Variants in AGXT2 observed in about 807,000 individuals in gnomAD.
The protein encoded by AGXT2 is alanine--glyoxylate aminotransferase 2, mitochondrial.
AGXT2 carries 61 observed loss-of-function variants against 62.5 expected under a neutral mutation model. That is an observed-to-expected ratio of 0.98 (90% confidence interval 0.79 to 1.21). The LOEUF (loss-of-function observed/expected upper bound fraction) is 1.21. Ranked by LOEUF, AGXT2 falls within the 50% of genes most tolerant of loss-of-function variation. The probability of loss-of-function intolerance (pLI) is 0.00; values close to 1 mark genes in which losing one functional copy is unlikely to be tolerated. For synonymous variants in AGXT2, 243 were observed against 218.7 expected, an observed-to-expected ratio of 1.11 and a Z score of -0.98; for missense variants, 666 against 641.5, an observed-to-expected ratio of 1.04 and a Z score of -0.41.
chr5:35,030,430 C>A (rs1425628889), intron 7 of AGXT2, among the ~76,000 whole-genome samples: 1 of 152,198 alleles, frequency 6.6e-6, no homozygotes, highest in East Asian at 1.9e-4. Context: ...ATCGCTTGAA[C>A]CCGGGAGGCG....
In AGXT2 at chr5:34,998,609, A is replaced by C. The variant is rs1766114039; in HGVS notation, c.*110T>G. 2 of 842,470 alleles carry C rather than the reference A, an allele frequency of 2.4e-6. No individual in the cohort carries two copies. Among genetic ancestry groups the C allele is most frequent in the Non-Finnish European group, 2.0e-6 (1 of 510,036 alleles). 52.2% of individuals were successfully genotyped at this position (842,470 alleles called of 1,614,324 possible). A position where few individuals can be genotyped will look rare whatever the true frequency, so the allele number is the denominator to read the frequency against. On this transcript the variant is annotated 3_prime_UTR_variant, in exon 14 of 14. Transcript: ENST00000231420. ...ACCATGACTTTTACAGCTCCTGTGGAGAGCTGCAGGCTTTCTCTGGATACC... is the reference window on the plus strand; with the variant it reads ...ACCATGACTTTTACAGCTCCTGTGGCGAGCTGCAGGCTTTCTCTGGATACC...
intron 9 of AGXT2, among the ~76,000 whole-genome samples, chr5:35,024,365 A>G (rs540483353): frequency 6.6e-6 from 1 of 152,158 alleles, no homozygotes; most frequent in Non-Finnish European, 1.5e-5. Context: ...GGCCCTAGTG[A>G]TCATCCTCTG....
In AGXT2 at chr5:35,013,065, G is replaced by C; in HGVS notation, c.1097-20C>G. 1 of 1,547,694 alleles carries C rather than the reference G, an allele frequency of 6.5e-7. No individual in the cohort carries two copies. The highest frequency in any genetic ancestry group is 8.7e-7 in the Non-Finnish European group (1 of 1,143,382). On this transcript the variant is annotated intron_variant, in intron 10 of 13. Transcript: ENST00000231420. Reference sequence around the variant, plus strand: ...CAATCTCTAGAGGGAGAAAATAGAAGGTGTGGAAAGAGGGACACATTCCTG... The same window carrying C: ...CAATCTCTAGAGGGAGAAAATAGAACGTGTGGAAAGAGGGACACATTCCTG...
At chr5:35,006,885 A>G (rs1200400031) in intron 12 of AGXT2, among the ~76,000 whole-genome samples, 1 of 152,152 alleles carries the variant, frequency 6.6e-6, no homozygotes. Context: ...TTAATTGAGA[A>G]ACACAAAGCA....
chr5:35,030,164 A>G (rs1461429603), intron 7 of AGXT2, among the ~76,000 whole-genome samples: 2 of 152,294 alleles, frequency 1.3e-5, no homozygotes, highest in East Asian at 3.9e-4. Context: ...TTGTATTCCA[A>G]TCCTGTTCAA....
chr5:35,040,082 A>G lies in AGXT2; in HGVS notation c.177+493T>C, dbSNP rs534425595. Among the ~76,000 whole-genome samples the G allele has an allele frequency of 2.0e-5, 3 of 152,060 alleles. 1 individual carries two copies. The highest frequency in any genetic ancestry group is 7.2e-5 in the African/African-American group (3 of 41,464). ...GCATAACAGAGAGAGAGAGAGAGAG[A>G]GGGAGAAAGAAAGAGAGAGAAAGAA... On this transcript the variant is annotated intron_variant, in intron 2 of 13. Coordinates refer to ENST00000231420, the MANE Select transcript of AGXT2 (RefSeq NM_031900.4).
intron 12 of AGXT2, 147 bp from the exon 13 acceptor site, chr5:35,004,008 C>T (rs1030623668): frequency 7.3e-6 from 5 of 687,276 alleles, no homozygotes; most frequent in South Asian, 3.6e-5. Context: ...CTCTCCTTCC[C>T]CTGTAATTAA....
chr5:35,028,511 C>T (rs1471231782), intron 7 of AGXT2, among the ~76,000 whole-genome samples: 1 of 144,612 alleles, frequency 6.9e-6, no homozygotes, highest in African/African-American at 2.6e-5. Context: ...AAGCCTTCAT[C>T]TGTGTGTCAG....
intron 9 of AGXT2, among the ~76,000 whole-genome samples, chr5:35,021,303 C>T (rs1359976064): frequency 7.4e-4 from 113 of 152,180 alleles, no homozygotes; most frequent in African/African-American, 2.5e-3. Context: ...GGAGGCATCA[C>T]ACTACCTGAC....
intron 9 of AGXT2, among the ~76,000 whole-genome samples, chr5:35,020,568 G>A (rs1418941579): frequency 2.6e-5 from 4 of 152,066 alleles, no homozygotes; most frequent in African/African-American, 4.8e-5. Context: ...TTGATGGGAC[G>A]TATTTCAAAA....
intron 11 of AGXT2, among the ~76,000 whole-genome samples, chr5:35,011,327 G>A (rs769594339): frequency 6.6e-6 from 1 of 152,072 alleles, no homozygotes; most frequent in Non-Finnish European, 1.5e-5. Context: ...GGGCATGGTG[G>A]TGCATGCCTA....
intron 1 of AGXT2, among the ~76,000 whole-genome samples, chr5:35,045,767 T>TTC (rs1554037200): frequency 3.1e-4 from 11 of 35,778 alleles, no homozygotes; most frequent in African/African-American, 7.3e-4. Flanking sequence ...CTTTTTTCTT[T>TTC]TTTTTTTTTT....
chr5:35,040,156 G>C (rs1767933284), intron 2 of AGXT2, among the ~76,000 whole-genome samples: 1 of 152,128 alleles, frequency 6.6e-6, no homozygotes, highest in Non-Finnish European at 1.5e-5. Flanking sequence ...ATTTTTATTA[G>C]CCTGAGAACA....
At position 35,039,721 on chromosome 5, in the gene AGXT2, C is replaced by G. The variant is rs534248419; in HGVS notation, c.178-213G>C. On this transcript the variant is annotated intron_variant, in intron 2 of 13. Transcript: ENST00000231420. ...GAATTATTATTTGTAGCCTTTCGAT[C>G]TCTTTTCAGAAAAGGGCTGGAATTT... Among the ~76,000 whole-genome samples, 20 of 152,290 alleles carry G rather than the reference C, an allele frequency of 1.3e-4. 1 individual carries two copies. Among genetic ancestry groups the G allele is most frequent in the South Asian group, 4.2e-4 (2 of 4,818 alleles).
At chr5:35,015,297 G>A (rs577899014) in intron 9 of AGXT2, among the ~76,000 whole-genome samples, 1 of 152,310 alleles carries the variant, frequency 6.6e-6, no homozygotes, top group East Asian at 1.9e-4. Flanking sequence ...CACAGTGCCT[G>A]ATACAAAGTA....
At chr5:35,009,099 G>GA (rs1306471689) in intron 12 of AGXT2, among the ~76,000 whole-genome samples, 1 of 152,134 alleles carries the variant, frequency 6.6e-6, no homozygotes, top group Non-Finnish European at 1.5e-5. Context: ...TGGAGTGTGA[G>GA]AAACAAACAG....
chr5:35,022,230 C>A (rs536057839), intron 9 of AGXT2, among the ~76,000 whole-genome samples: 6 of 152,110 alleles, frequency 3.9e-5, no homozygotes, highest in Non-Finnish European at 7.3e-5. Flanking sequence ...TGGGTATATA[C>A]CCAAAGGACT....
rs144089656 is a variant in AGXT2 at position 35,005,599 on chromosome 5, C to T, written c.1339-1738G>A. On this transcript the variant is annotated intron_variant, in intron 12 of 13. Coordinates refer to ENST00000231420, the MANE Select transcript of AGXT2 (RefSeq NM_031900.4). ...TTGCTCTGGGCCAGCACCCTCTTGGCTCCCTTGCCCATTTTATCCCTCCCT... is the reference window on the plus strand; with the variant it reads ...TTGCTCTGGGCCAGCACCCTCTTGGTTCCCTTGCCCATTTTATCCCTCCCT... Among the ~76,000 whole-genome samples the T allele has an allele frequency of 3.2e-4, 48 of 151,608 alleles. No individual in the cohort carries two copies. The East Asian group carries it at 8.5e-3, about 27-fold the overall frequency.
intron 9 of AGXT2, among the ~76,000 whole-genome samples, chr5:35,022,642 G>A (rs1158722270): frequency 2.0e-5 from 3 of 151,192 alleles, no homozygotes; most frequent in East Asian, 2.0e-4. Context: ...GTTAGTGGGT[G>A]CAGCGCACCA....
Sources: allele counts gnomAD v4.1 joint callset (sites outside exome capture counted in the v4.1 genomes callset), GRCh38; gene constraint gnomAD v4.1.1; transcripts MANE v1.5; gene names NCBI Gene and HGNC (gene_info 2026-07-23, HGNC 2026-07-21).